The following LIMK2 variants were observed in gnomAD, a reference collection of about 807,000 sequenced individuals.
The protein encoded by LIMK2 is LIM domain kinase 2.
LIMK2 carries 35 observed loss-of-function variants against 75.7 expected under a neutral mutation model. The ratio of observed to expected loss-of-function variants is 0.46; its 90% CI spans 0.35 to 0.61. The LOEUF is 0.61. Among genes scored for constraint, LIMK2 ranks in the 20% least tolerant of loss-of-function variants. The probability of loss-of-function intolerance (pLI) is 0.00; values close to 1 mark genes in which losing one functional copy is unlikely to be tolerated. For missense variants in LIMK2, 623 were observed against 831.0 expected (o/e 0.75, Z 3.08); for synonymous variants, 301 against 319.2 (o/e 0.94, Z 0.61).
intron 7 of LIMK2, 38 bp from the exon 8 acceptor site, chr22:31,265,908 G>A (rs763717296): frequency 9.4e-6 from 15 of 1,591,528 alleles, no homozygotes; most frequent in Non-Finnish European, 1.3e-5. Context: ...GGTCTCTGAG[G>A]ACTACACATC....
At chr22:31,251,062 A>G (rs887409225) in intron 2 of LIMK2, among the ~76,000 whole-genome samples, 1 of 152,216 alleles carries the variant, frequency 6.6e-6, no homozygotes, top group African/African-American at 2.4e-5. Context: ...CAGGCCATAC[A>G]TACTCAGCAG....
intron 2 of LIMK2, among the ~76,000 whole-genome samples, chr22:31,252,145 A>G (rs976967940): frequency 6.6e-6 from 1 of 152,152 alleles, no homozygotes; most frequent in Non-Finnish European, 1.5e-5. Flanking sequence ...CTGGGCCTCT[A>G]TCTTATCTCA....
At chr22:31,276,905 A>G (rs1569005599) in intron 15 of LIMK2, 1 of 1,613,228 alleles carries the variant, frequency 6.2e-7, no homozygotes, top group Middle Eastern at 1.8e-4. Context: ...AAGCACCTCA[A>G]CCTAGAGGAG....
At chr22:31,265,919 C>T (rs756902308) in intron 7 of LIMK2, 27 bp from the exon 8 acceptor site, 2 of 1,609,070 alleles carry the variant, frequency 1.2e-6, no homozygotes, top group Middle Eastern at 1.7e-4. Context: ...ACTACACATC[C>T]CTACTCCCGT....
chr22:31,213,615 T>C (rs1416134907), intron 1 of LIMK2, among the ~76,000 whole-genome samples: 1 of 152,006 alleles, frequency 6.6e-6, no homozygotes, highest in Non-Finnish European at 1.5e-5. Flanking sequence ...CTAAAACAAA[T>C]TTTTTTAGGC....
intron 2 of LIMK2, among the ~76,000 whole-genome samples, chr22:31,242,979 A>G (rs2048635848): frequency 6.6e-6 from 1 of 152,156 alleles, no homozygotes; most frequent in African/African-American, 2.4e-5. Context: ...CTGGTGTGCA[A>G]TGGCATGATC....
intron 2 of LIMK2, chr22:31,229,991 GCC>G (rs2048513013): frequency 6.6e-6 from 1 of 151,748 alleles, no homozygotes; most frequent in Non-Finnish European, 1.5e-5. Context: ...GTCCTCCCAA[GCC>G]TTCCCAACAG....
chr22:31,237,581 G>A (rs1325827970), intron 2 of LIMK2, among the ~76,000 whole-genome samples: 1 of 151,300 alleles, frequency 6.6e-6, no homozygotes, highest in Non-Finnish European at 1.5e-5. Context: ...AAGAAATGGA[G>A]ATACAAACTT....
At chr22:31,236,408 A>G (rs2048575117) in intron 2 of LIMK2, among the ~76,000 whole-genome samples, 1 of 150,200 alleles carries the variant, frequency 6.7e-6, no homozygotes, top group Non-Finnish European at 1.5e-5. Context: ...AGGAGTTTCA[A>G]GATCAGTCTG....
intron 1 of LIMK2, among the ~76,000 whole-genome samples, chr22:31,213,961 G>A (rs908335995): frequency 3.0e-4 from 45 of 152,028 alleles, no homozygotes; most frequent in Non-Finnish European, 2.6e-4. Flanking sequence ...GACAACAGGG[G>A]CCCGCCACCA....
At chr22:31,248,810 C>G in intron 2 of LIMK2, 2 of 1,606,406 alleles carry the variant, frequency 1.2e-6, no homozygotes, top group Non-Finnish European at 1.7e-6. Flanking sequence ...CTCTCCTGGC[C>G]CCTGGTCCTG....
At chr22:31,261,438 C>T (rs1348816929) in intron 5 of LIMK2, among the ~76,000 whole-genome samples, 4 of 151,812 alleles carry the variant, frequency 2.6e-5, no homozygotes, top group African/African-American at 9.7e-5. Context: ...CCCAGCTACT[C>T]GGGAGGCTGA....
At chr22:31,265,915 C>A in intron 7 of LIMK2, 31 bp from the exon 8 acceptor site, 1 of 1,603,508 alleles carries the variant, frequency 6.2e-7, no homozygotes, top group Non-Finnish European at 8.5e-7. Flanking sequence ...GAGGACTACA[C>A]ATCCCTACTC....
At chr22:31,237,943 A>C (rs576556667) in intron 2 of LIMK2, among the ~76,000 whole-genome samples, 2 of 23,698 alleles carry the variant, frequency 8.4e-5, no homozygotes, top group African/African-American at 2.0e-4. Flanking sequence ...TGTCTCTGCT[A>C]AAAAAAAAAA....
chr22:31,225,769 C>A lies in LIMK2; in HGVS notation c.66C>A (p.Ser22Arg), dbSNP rs143570231. 6 of 1,613,986 alleles carry A rather than the reference C, an allele frequency of 3.7e-6. No individual in the cohort carries two copies. Among genetic ancestry groups the A allele is most frequent in the African/African-American group, 1.3e-5 (1 of 74,938 alleles). ...CPGCGDHIAP[S>R]QIWYRTVNET... ...GCTGTGGGGACCACATTGCTCCAAG[C>A]CAGATATGGTACAGGACTGTCAACG... Residue 22 changes from serine (S) to arginine (R), a missense_variant, in exon 2 of 16, where the codon AGC (serine) becomes AGA (arginine). This residue lies in a region of LIMK2 where 514 missense variants were observed against 661.3 expected (regional missense o/e 0.78). Coordinates refer to ENST00000331728, the MANE Select transcript of LIMK2 (RefSeq NM_005569.4).
chr22:31,255,778 T>TTCTCTCA, intron 2 of LIMK2, among the ~76,000 whole-genome samples: 1 of 152,276 alleles, frequency 6.6e-6, no homozygotes, highest in Middle Eastern at 3.4e-3. Flanking sequence ...GCAAAAGGCT[T>TTCTCTCA]TCTCTCATAC....
chr22:31,245,707 G>A (rs1041696482), intron 2 of LIMK2, among the ~76,000 whole-genome samples: 1 of 152,068 alleles, frequency 6.6e-6, no homozygotes, highest in African/African-American at 2.4e-5. Flanking sequence ...CTCGAATGCT[G>A]GGATTATAGG....
intron 7 of LIMK2, among the ~76,000 whole-genome samples, chr22:31,265,190 T>TAAA (rs2048880674): frequency 2.9e-4 from 4 of 13,914 alleles, no homozygotes; most frequent in African/African-American, 2.1e-3. Context: ...TGAGACTCCA[T>TAAA]CAAAAAAAAA....
At position 31,225,752 on chromosome 22, in the gene LIMK2, G is replaced by C. The variant is rs777860928; in HGVS notation, c.49G>C (p.Asp17His). 1.2e-6 allele frequency: 2 copies of C among 1,614,030 alleles called. No individual in the cohort carries two copies. Among genetic ancestry groups the C allele is most frequent in the Admixed American group, 1.7e-5 (1 of 60,008 alleles). Residue 17 changes from aspartate to histidine, a missense_variant, in exon 2 of 16, where the codon GAC becomes CAC. Physicochemically the swap from Asp to His is moderately conservative, Grantham distance 81. Transcript: ENST00000331728. Reference protein sequence around the residue: ...EDVWRCPGCGDHIAPSQIWYR... With the variant: ...EDVWRCPGCGHHIAPSQIWYR... ...TGTCTGGAGGTGTCCAGGCTGTGGG[G>C]ACCACATTGCTCCAAGCCAGATATG...
Sources: allele counts gnomAD v4.1 joint callset (sites outside exome capture counted in the v4.1 genomes callset), GRCh38; gene constraint gnomAD v4.1.1; regional missense constraint gnomAD v4.1.1; transcripts MANE v1.5; gene names NCBI Gene and HGNC (gene_info 2026-07-23, HGNC 2026-07-21).